TOP2A: variants seen among roughly 807,000 people sequenced by gnomAD.
The protein encoded by TOP2A is DNA topoisomerase 2-alpha.
TOP2A carries 68 observed loss-of-function variants against 187.2 expected under a neutral mutation model. The observed-to-expected ratio is 0.36, with a 90% CI of 0.30 to 0.44. The LOEUF (loss-of-function observed/expected upper bound fraction) is 0.44, where lower values mean the gene tolerates loss of function less well. TOP2A is among the 20% of genes least tolerant of loss of function. The pLI is 1.00. For missense variants in TOP2A, 1,196 were observed against 1,808.7 expected (o/e 0.66, Z 6.14); for synonymous variants, 542 against 593.2 (o/e 0.91, Z 1.25).
In TOP2A at chr17:40,411,503, A is replaced by AT; in HGVS notation, c.964-49dup. ...TGTAAAACTCAGTATCCTCAAAATT[A>AT]TAATAATCAAACATTAAAAACTAAT... On this transcript the variant is annotated intron_variant, in intron 8 of 34. Coordinates refer to ENST00000423485, the MANE Select transcript of TOP2A (RefSeq NM_001067.4). The surrounding 1 kb of genome is among the most constrained non-coding windows in gnomAD (Gnocchi z 4.4). 1 of 1,588,212 alleles carries AT rather than the reference A, an allele frequency of 6.3e-7. No individual in the cohort carries two copies. The highest frequency in any genetic ancestry group is 8.6e-7 in the Non-Finnish European group (1 of 1,156,688).
rs1356327768 is a variant in TOP2A, at chr17:40,394,696, AAGT to A, written c.3811+750_3811+752del. Among the ~76,000 whole-genome samples, 3 of 152,362 alleles carry A rather than the reference AAGT, an allele frequency of 2.0e-5. No individual in the cohort carries two copies. In the East Asian group the frequency reaches 5.8e-4, roughly 29 times the overall value. On this transcript the variant is annotated intron_variant, in intron 29 of 34. Transcript: ENST00000423485. ...TATCTCAATAAAGATGTTTCAAAAA[AAGT>A]AGACAGTAAAGGCATTATCAAATGA...
In TOP2A at chr17:40,392,349, A is replaced by T; in HGVS notation, c.3965-8T>A. ...TTGTGAATTTTGTTTTTGCTAGTAAAAAAACCATATACAAAAAAATCAAAG... is the reference window on the plus strand; with the variant it reads ...TTGTGAATTTTGTTTTTGCTAGTAATAAAACCATATACAAAAAAATCAAAG... On this transcript the variant is annotated splice_polypyrimidine_tract_variant and splice_region_variant and intron_variant, in intron 30 of 34. Transcript: ENST00000423485. 1 of 1,578,334 alleles carries T rather than the reference A, an allele frequency of 6.3e-7. No individual in the cohort carries two copies. The highest frequency in any genetic ancestry group is 1.1e-5 in the South Asian group (1 of 87,158).
intron 29 of TOP2A, 151 bp downstream of exon 29, chr17:40,395,298 A>C: frequency 2.3e-6 from 1 of 434,788 alleles, no homozygotes; most frequent in South Asian, 3.2e-5. Context: ...AAAAAAAAAA[A>C]AAAAAAGAGG....
At chr17:40,409,482 G>A (rs551817039) in intron 10 of TOP2A, 366 of 448,718 alleles carry the variant, frequency 8.2e-4, no homozygotes, top group Non-Finnish European at 1.4e-3. Context: ...GACATAGCTG[G>A]GTGCAGTGGC....
intron 16 of TOP2A, among the ~76,000 whole-genome samples, 188 bp from the exon 17 acceptor site, chr17:40,405,071 C>A (rs144779457): frequency 6.6e-6 from 1 of 151,426 alleles, no homozygotes; most frequent in Admixed American, 6.6e-5. Flanking sequence ...CTCACTGCAA[C>A]CTCTGCGTCC....
At chr17:40,406,263 T>C in intron 16 of TOP2A, 121 bp downstream of exon 16, 1 of 733,184 alleles carries the variant, frequency 1.4e-6, no homozygotes, top group East Asian at 2.7e-5. Flanking sequence ...GGAAACATTC[T>C]ATTCTATAAA....
chr17:40,406,542 G>A (rs759255596), intron 15 of TOP2A, 42 bp downstream of exon 15: 13 of 1,604,180 alleles, frequency 8.1e-6, no homozygotes, highest in African/African-American at 2.7e-5. Flanking sequence ...TGTACAGGGT[G>A]TATAATAAAA....
At chr17:40,407,880 A>G (rs2035267617) in intron 12 of TOP2A, 87 bp downstream of exon 12, 2 of 1,394,060 alleles carry the variant, frequency 1.4e-6, no homozygotes, top group Non-Finnish European at 2.0e-6. Flanking sequence ...AATATATTTT[A>G]AAATGCCTAA....
chr17:40,389,924 G>A, intron 34 of TOP2A, 41 bp downstream of exon 34: 2 of 1,564,580 alleles, frequency 1.3e-6, no homozygotes, highest in Non-Finnish European at 1.7e-6. Context: ...ACGTGTTTCA[G>A]AACATCTACA....
rs1353554870 is a variant in TOP2A at position 40,400,349 on chromosome 17, T to C, written c.2860A>G (p.Ile954Val). Residue 954 changes from isoleucine (I) to valine (V), a missense_variant, in exon 23 of 35, where the codon ATA (isoleucine) becomes GTA (valine). By Grantham distance (29) the Ile-to-Val change is conservative. Transcript: ENST00000423485. The stretch of plus-strand genomic sequence containing the variant: ...GTATGGTATTCCCTATAGTCTGTTA[T>C]GAGAGGAGGTGTCTTCTCGGTGCCA... ...LNGTEKTPPLITDYREYHTDT... is the reference protein window; with the variant it reads ...LNGTEKTPPLVTDYREYHTDT... The C allele has an allele frequency of 1.2e-6, 2 of 1,613,830 alleles. No homozygotes were observed. The highest frequency in any genetic ancestry group is 1.1e-5 in the South Asian group (1 of 91,064).
rs1255842069 is a variant in TOP2A at position 40,407,649 on chromosome 17, T to C, written c.1526A>G (p.Asn509Ser). 1.9e-6 allele frequency: 3 copies of C among 1,583,534 alleles called. No homozygotes were observed. Among genetic ancestry groups the C allele is most frequent in the Non-Finnish European group, 2.6e-6 (3 of 1,170,980 alleles). ...KQIMENAEIN[N>S]IIKIVGLQYK... The stretch of plus-strand genomic sequence containing the variant: ...CTGAAGACCCACAATCTTGATGATA[T>C]TGTTAATCTCAGCATTTTCCATGAT... The change falls in exon 13 of 35, where the codon AAT becomes AGT. Residue 509 changes from asparagine to serine, a missense_variant. This residue lies in a region of TOP2A where 252 missense variants were observed against 434.8 expected (regional missense o/e 0.58). Transcript: ENST00000423485.
intron 4 of TOP2A, among the ~76,000 whole-genome samples, chr17:40,413,979 A>G (rs921560110): frequency 1.3e-5 from 2 of 152,128 alleles, no homozygotes; most frequent in African/African-American, 4.8e-5. Flanking sequence ...GGCACTTTTC[A>G]TATATACCTT....
At position 40,406,442 on chromosome 17, in the gene TOP2A, T is replaced by C; in HGVS notation, c.1895A>G (p.Lys632Arg). ...KEAKEYFADM[K>R]RHRIQFKYSG... Reference sequence around the variant, plus strand: ...ATATTTGAACTGGATACGATGTCTTTTCATATCTGCAAAGTATTCTTTAGC... The same window carrying C: ...ATATTTGAACTGGATACGATGTCTTCTCATATCTGCAAAGTATTCTTTAGC... The change falls in exon 16 of 35, where the codon AAA becomes AGA. Residue 632 changes from lysine to arginine, a missense_variant. This residue lies in a region of TOP2A where 209 missense variants were observed against 376.9 expected (regional missense o/e 0.55). Coordinates refer to ENST00000423485, the MANE Select transcript of TOP2A (RefSeq NM_001067.4). The C allele has an allele frequency of 6.2e-7, 1 of 1,613,882 alleles. No individual in the cohort carries two copies.
At position 40,404,816 on chromosome 17, in the gene TOP2A, T is replaced by G; in HGVS notation, c.2021A>C (p.Gln674Pro). 1 of 1,605,548 alleles carries G rather than the reference T, an allele frequency of 6.2e-7. No individual in the cohort carries two copies. Among genetic ancestry groups the G allele is most frequent in the Non-Finnish European group, 8.5e-7 (1 of 1,175,346 alleles). The change falls in exon 17 of 35, where the codon CAA becomes CCA. Residue 674 changes from glutamine to proline, a missense_variant. Gln to Pro is a moderately conservative substitution (Grantham distance 76). This residue lies in a region of TOP2A where 209 missense variants were observed against 376.9 expected (regional missense o/e 0.55). Coordinates refer to ENST00000423485, the MANE Select transcript of TOP2A (RefSeq NM_001067.4). Reference protein sequence around the residue: ...WLTNFMEDRRQRKLLGLPEDY... With the variant: ...WLTNFMEDRRPRKLLGLPEDY... ...CTCAGGAAGCCCAAGTAACTTTCGT[T>G]GTCTTCTATCCTCCATGAAATTAGT...
chr17:40,390,206 T>G (rs1353484673), intron 33 of TOP2A, 42 bp from the exon 34 acceptor site: 1 of 1,541,406 alleles, frequency 6.5e-7, no homozygotes, highest in Admixed American at 2.0e-5. Flanking sequence ...GCTCTTTTTT[T>G]GAGATGGGGT....
Position 40,400,391 on chromosome 17 carries a change from G to A in TOP2A, c.2818C>T (p.Leu940=). ...TCGGTGCCATTCAACATGGGTTCTA[G>A]AACTTGTTCTTTGTATGTCTAAAGA... ...TWTQTYKEQV[L]EPMLNGTEKT... is the part of the protein sequence containing the mutation. Residue 940 remains leucine, a synonymous_variant, in exon 23 of 35, where the codon CTA becomes TTA. Coordinates refer to ENST00000423485, the MANE Select transcript of TOP2A (RefSeq NM_001067.4). The A allele has an allele frequency of 6.2e-7, 1 of 1,613,314 alleles. No homozygotes were observed. The highest frequency in any genetic ancestry group is 2.2e-5 in the East Asian group (1 of 44,844).
chr17:40,405,913 C>T (rs1598615441), intron 16 of TOP2A, among the ~76,000 whole-genome samples: 3 of 151,832 alleles, frequency 2.0e-5, no homozygotes, highest in Admixed American at 1.3e-4. Context: ...ACTATAGCTG[C>T]GTGCCACCAC....
In TOP2A at chr17:40,411,020, T is replaced by C; in HGVS notation, c.1203+89A>G. On this transcript the variant is annotated intron_variant, in intron 10 of 34. Coordinates refer to ENST00000423485, the MANE Select transcript of TOP2A (RefSeq NM_001067.4). This position sits in a 1 kb window ranked among gnomAD's most constrained non-coding sequence, Gnocchi z 4.4. ...TGGGAAGACTTGGAGAAGCTCACTA[T>C]GAGAAGAATCATTGTTTCTGCAGAG... The C allele has an allele frequency of 7.5e-7, 1 of 1,329,762 alleles. No homozygotes were observed. The highest frequency in any genetic ancestry group is 1.0e-6 in the Non-Finnish European group (1 of 998,274). 82.4% of individuals were successfully genotyped at this position (1,329,762 alleles called of 1,614,324 possible).
At position 40,400,670 on chromosome 17, in the gene TOP2A, T is replaced by C; in HGVS notation, c.2665-7A>G. 6.3e-7 allele frequency: 1 copy of C among 1,585,712 alleles called. No individual in the cohort carries two copies. The highest frequency in any genetic ancestry group is 2.2e-5 in the East Asian group (1 of 44,632). ...AGTTCTTGTAACTTGGAAGCTAAATTGGCATTTAAAAAAACAGTATGTTTT... is the reference window on the plus strand; with the variant it reads ...AGTTCTTGTAACTTGGAAGCTAAATCGGCATTTAAAAAAACAGTATGTTTT... On this transcript the variant is annotated splice_region_variant and splice_polypyrimidine_tract_variant and intron_variant, in intron 21 of 34. Coordinates refer to ENST00000423485, the MANE Select transcript of TOP2A (RefSeq NM_001067.4).
Sources: gnomAD v4.1 joint callset for allele counts (sites outside exome capture counted in the v4.1 genomes callset) on GRCh38, gnomAD v4.1.1 for gene constraint, gnomAD v4.1.1 regional missense constraint, Gnocchi (gnomAD v3.1) non-coding constraint, MANE v1.5 for transcripts, NCBI Gene and HGNC (gene_info 2026-07-23, HGNC 2026-07-21) for gene names.